GBE1: variants seen among roughly 807,000 people sequenced by gnomAD.
The protein encoded by GBE1 is 1,4-alpha-glucan branching enzyme 1, also known as 1,4-alpha-glucan-branching enzyme.
Under a neutral mutation model 88.8 loss-of-function variants are expected in GBE1, and 70 were observed. The observed-to-expected ratio is 0.79, with a 90% confidence interval of 0.65 to 0.96. GBE1 has a LOEUF of 0.96. GBE1 is among the 40% of genes least tolerant of loss of function. The pLI, the probability that GBE1 is intolerant of heterozygous loss-of-function variation, is 0.00. For synonymous variants in GBE1, 284 were observed against 300.1 expected, an observed-to-expected ratio of 0.95 and a Z score of 0.56; for missense variants, 872 against 871.0, an observed-to-expected ratio of 1.00 and a Z score of -0.01.
intron 2 of GBE1, among the ~76,000 whole-genome samples, chr3:81,674,375 G>GAAAAAA (rs777696077): frequency 2.0e-5 from 3 of 151,854 alleles, no homozygotes; most frequent in Non-Finnish European, 2.9e-5. Flanking sequence ...AAAATCATTG[G>GAAAAAA]ATTTGGATCT....
intron 15 of GBE1, 104 bp from the exon 16 acceptor site, chr3:81,490,567 T>G: frequency 1.1e-6 from 1 of 910,580 alleles, no homozygotes; most frequent in South Asian, 1.4e-5. Context: ...CTGCCTAAAG[T>G]TACAGTTACC....
At chr3:81,591,255 G>A (rs368240150) in intron 8 of GBE1, 91 bp from the exon 9 acceptor site, 28 of 1,029,666 alleles carry the variant, frequency 2.7e-5, no homozygotes, top group East Asian at 2.2e-4. Context: ...TTGTTTATAT[G>A]AATTTTGTTA....
intron 1 of GBE1, among the ~76,000 whole-genome samples, chr3:81,744,523 T>C (rs530598069): frequency 1.3e-5 from 2 of 152,246 alleles, no homozygotes; most frequent in African/African-American, 4.8e-5. Context: ...CAGATAACAC[T>C]CATAATGTCC....
intron 14 of GBE1, among the ~76,000 whole-genome samples, chr3:81,512,885 CAT>C (rs1474012640): frequency 1.3e-5 from 2 of 151,502 alleles, no homozygotes; most frequent in African/African-American, 4.8e-5. Context: ...ATTTCAGACA[CAT>C]GATTCATACG....
At chr3:81,734,017 T>G (rs1706222246) in intron 1 of GBE1, among the ~76,000 whole-genome samples, 1 of 152,214 alleles carries the variant, frequency 6.6e-6, no homozygotes, top group African/African-American at 2.4e-5. Flanking sequence ...ACAAACAAGA[T>G]TTTATTTGAT....
At chr3:81,616,807 G>A (rs1704253912) in intron 7 of GBE1, among the ~76,000 whole-genome samples, 1 of 152,000 alleles carries the variant, frequency 6.6e-6, no homozygotes, top group Admixed American at 6.6e-5. Flanking sequence ...ACTACTTTGA[G>A]TTGTCCAATC....
Position 81,581,266 on chromosome 3 carries a change from C to CT in GBE1, c.1344dup (p.Glu449ArgfsTer3). ...ATGTTCCAGTCTTCATCTTTAAACTCTTTAAGTAGCTAGACACAAGAGAGA... is the reference window on the plus strand; with the variant it reads ...ATGTTCCAGTCTTCATCTTTAAACTCTTTTAAGTAGCTAGACACAAGAGAGA... On this transcript the variant is annotated frameshift_variant, in exon 11 of 16. Transcript: ENST00000429644. LOFTEE classifies it high-confidence loss of function. 3 of 1,557,670 alleles carry CT rather than the reference C, an allele frequency of 1.9e-6. No homozygotes were observed. The highest frequency in any genetic ancestry group is 2.6e-6 in the Non-Finnish European group (3 of 1,145,216).
intron 12 of GBE1, among the ~76,000 whole-genome samples, chr3:81,575,475 G>C (rs1367301917): frequency 6.6e-6 from 1 of 152,016 alleles, no homozygotes; most frequent in Non-Finnish European, 1.5e-5. Flanking sequence ...AATGACTTTT[G>C]ATAAACAGAA....
At chr3:81,678,517 C>G (rs138338506) in intron 2 of GBE1, among the ~76,000 whole-genome samples, 1 of 152,182 alleles carries the variant, frequency 6.6e-6, no homozygotes, top group African/African-American at 2.4e-5. Flanking sequence ...AATGGATATA[C>G]CTCATTGCTT....
intron 1 of GBE1, among the ~76,000 whole-genome samples, chr3:81,722,896 G>GTGTGTATATA (rs756121951): frequency 5.2e-5 from 7 of 135,318 alleles, no homozygotes; most frequent in Admixed American, 1.5e-4. Context: ...GTGTGTGTGT[G>GTGTGTATATA]TATATATATA....
intron 12 of GBE1, among the ~76,000 whole-genome samples, chr3:81,546,219 C>T (rs1344829416): frequency 2.2e-4 from 33 of 147,172 alleles, no homozygotes; most frequent in Non-Finnish European, 3.0e-5. Flanking sequence ...CACACAAACT[C>T]ACACACACAC....
intron 3 of GBE1, among the ~76,000 whole-genome samples, chr3:81,660,716 A>G (rs956964909): frequency 6.6e-6 from 1 of 152,098 alleles, no homozygotes; most frequent in African/African-American, 2.4e-5. Context: ...AGTGCAAAAA[A>G]AACACACACA....
intron 9 of GBE1, among the ~76,000 whole-genome samples, chr3:81,586,993 T>C (rs940390687): frequency 1.3e-5 from 2 of 152,062 alleles, no homozygotes; most frequent in Admixed American, 6.6e-5. Context: ...GGTTTCATCA[T>C]GTTGGCCAGG....
intron 6 of GBE1, among the ~76,000 whole-genome samples, chr3:81,644,379 AG>A (rs1380634527): frequency 2.0e-5 from 3 of 152,214 alleles, no homozygotes; most frequent in Non-Finnish European, 2.9e-5. Flanking sequence ...GTAAGAAGCA[AG>A]GCATAATAAT....
chr3:81,650,520 C>A (rs1704830919), intron 3 of GBE1, among the ~76,000 whole-genome samples: 1 of 152,084 alleles, frequency 6.6e-6, no homozygotes, highest in South Asian at 2.1e-4. Context: ...ACATATTTGC[C>A]AGCAATATGA....
At chr3:81,752,884 C>A (rs910439439) in intron 1 of GBE1, among the ~76,000 whole-genome samples, 3 of 152,138 alleles carry the variant, frequency 2.0e-5, no homozygotes. Context: ...ACAGTAAAAT[C>A]TTCTGAAAGT....
Position 81,611,693 on chromosome 3 carries a change from T to C in GBE1, c.993-17670A>G, listed in dbSNP as rs73853444. On this transcript the variant is annotated intron_variant, in intron 7 of 15. Coordinates refer to ENST00000429644, the MANE Select transcript of GBE1 (RefSeq NM_000158.4). ...TAAAGATTAAACTATAATATTGAGG[T>C]CCTTTCCAAGTCTAGAGTCTGAATT... 7.7e-3 allele frequency among the ~76,000 whole-genome samples: 1,178 copies of C among 152,302 alleles called. 22 individuals carry two copies. The highest frequency in any genetic ancestry group is 0.027 in the African/African-American group (1,122 of 41,570).
intron 7 of GBE1, among the ~76,000 whole-genome samples, chr3:81,629,711 A>T (rs964568586): frequency 6.6e-6 from 1 of 151,900 alleles, no homozygotes; most frequent in South Asian, 2.1e-4. Context: ...TATTTTTTAT[A>T]TATTTTTTAT....
chr3:81,660,661 G>A (rs540357372), intron 3 of GBE1, among the ~76,000 whole-genome samples: 1 of 152,110 alleles, frequency 6.6e-6, no homozygotes, highest in African/African-American at 2.4e-5. Flanking sequence ...GTGGGGAAAT[G>A]TAATGCTACT....
Sources: allele counts gnomAD v4.1 joint callset (sites outside exome capture counted in the v4.1 genomes callset), GRCh38; gene constraint gnomAD v4.1.1; transcripts MANE v1.5; gene names NCBI Gene and HGNC (gene_info 2026-07-23, HGNC 2026-07-21).